The following CRIM1 variants were observed in gnomAD, a reference collection of about 807,000 sequenced individuals.
The protein encoded by CRIM1 is cysteine-rich motor neuron 1 protein.
In CRIM1, 32 loss-of-function variants were observed where a neutral mutation model predicts 116.4. The observed-to-expected ratio is 0.27, with a 90% CI of 0.21 to 0.37. The LOEUF is 0.37. Among genes scored for constraint, CRIM1 ranks in the 10% least tolerant of loss-of-function variants. CRIM1 has a pLI of 1.00. For missense variants in CRIM1, 1,331 were observed against 1,354.8 expected (o/e 0.98, Z 0.28); for synonymous variants, 590 against 509.2 (o/e 1.16, Z -2.13).
chr2:36,455,424 C>A (rs1558604403), intron 4 of CRIM1, among the ~76,000 whole-genome samples: 1 of 152,190 alleles, frequency 6.6e-6, no homozygotes, highest in African/African-American at 2.4e-5. Context: ...ATCATCCCCA[C>A]TGTACATAGG....
chr2:36,434,707 A>G (rs114032146), intron 2 of CRIM1, among the ~76,000 whole-genome samples: 1,796 of 152,290 alleles, frequency 0.012, 30 homozygotes, highest in African/African-American at 0.039. Context: ...TTATCCATCA[A>G]AACATTTTTC....
intron 10 of CRIM1, chr2:36,513,158 C>T (rs1230215271): frequency 9.3e-6 from 2 of 214,058 alleles, no homozygotes; most frequent in African/African-American, 4.6e-5. Context: ...TTCTGCTGAA[C>T]AAAACTCTGT....
intron 12 of CRIM1, among the ~76,000 whole-genome samples, chr2:36,518,337 A>C (rs1665162028): frequency 6.6e-6 from 1 of 152,218 alleles, no homozygotes; most frequent in South Asian, 2.1e-4. Flanking sequence ...ATTTCAACTT[A>C]AATCAATAAC....
At chr2:36,511,751 A>G (rs1431757072) in intron 9 of CRIM1, among the ~76,000 whole-genome samples, 1 of 151,850 alleles carries the variant, frequency 6.6e-6, no homozygotes, top group African/African-American at 2.4e-5. Flanking sequence ...GCCAGACACC[A>G]CGTGGGAGTG....
intron 5 of CRIM1, among the ~76,000 whole-genome samples, chr2:36,468,054 G>A (rs555041941): frequency 2.0e-5 from 3 of 152,186 alleles, no homozygotes; most frequent in Non-Finnish European, 2.9e-5. Flanking sequence ...CAGCTAGACC[G>A]TAGGTGCTTG....
chr2:36,421,255 T>A lies in CRIM1; in HGVS notation c.506-20003T>A, dbSNP rs3770904. Among the ~76,000 whole-genome samples the A allele has an allele frequency of 1.2e-3, 179 of 152,326 alleles. 6 individuals carry two copies. The East Asian group carries it at 0.03, about 26-fold the overall frequency. ...GGTATGGTATGTGCTTTTTCCTGAT[T>A]AAATTTCCTTTTTGGGGGAGAAATT... On this transcript the variant is annotated intron_variant, in intron 2 of 16. Coordinates refer to ENST00000280527, the MANE Select transcript of CRIM1 (RefSeq NM_016441.3).
Position 36,479,673 on chromosome 2 carries a change from G to A in CRIM1, c.1351G>A (p.Glu451Lys), listed in dbSNP as rs1331861109. The A allele has an allele frequency of 6.2e-7, 1 of 1,614,184 alleles. No homozygotes were observed. Among genetic ancestry groups the A allele is most frequent in the Admixed American group, 1.7e-5 (1 of 60,028 alleles). The stretch of plus-strand genomic sequence containing the variant: ...CACAAACCCTGTGAAAGTGCCTGGG[G>A]AGTGTTGCCCTGTGTGCGAAGGTAA... ...TCTNPVKVPG[E>K]CCPVCEEPTI... Residue 451 changes from glutamate to lysine, a missense_variant, in exon 7 of 17, where the codon GAG becomes AAG. Transcript: ENST00000280527.
chr2:36,541,888 G>A (rs1224590866), intron 14 of CRIM1, among the ~76,000 whole-genome samples: 1 of 152,182 alleles, frequency 6.6e-6, no homozygotes, highest in Non-Finnish European at 1.5e-5. Flanking sequence ...ATAGAAGGCG[G>A]CCTGGGTCTA....
intron 8 of CRIM1, among the ~76,000 whole-genome samples, chr2:36,500,212 T>C (rs1231655896): frequency 6.6e-6 from 1 of 151,872 alleles, no homozygotes; most frequent in East Asian, 1.9e-4. Context: ...GCGCCAGTGG[T>C]CCCAGCTACT....
intron 2 of CRIM1, among the ~76,000 whole-genome samples, chr2:36,433,528 A>G (rs1572718559): frequency 6.6e-6 from 1 of 152,174 alleles, no homozygotes; most frequent in African/African-American, 2.4e-5. Context: ...CATTGTAAAG[A>G]TTCTCTGTTT....
chr2:36,370,235 A>G (rs979264860), intron 1 of CRIM1, among the ~76,000 whole-genome samples: 2 of 151,116 alleles, frequency 1.3e-5, no homozygotes, highest in Non-Finnish European at 2.9e-5. Flanking sequence ...TGCCATCATT[A>G]AACAGTTTTT....
intron 7 of CRIM1, among the ~76,000 whole-genome samples, chr2:36,497,079 C>G (rs908964184): frequency 1.1e-4 from 17 of 152,144 alleles, no homozygotes; most frequent in African/African-American, 3.9e-4. Context: ...GTTTAATCTT[C>G]AGTATATACT....
At chr2:36,370,824 T>C (rs974846012) in intron 1 of CRIM1, among the ~76,000 whole-genome samples, 5 of 152,148 alleles carry the variant, frequency 3.3e-5, no homozygotes, top group Non-Finnish European at 7.3e-5. Flanking sequence ...GCATAGTTAT[T>C]CCCCCTCTAC....
At chr2:36,495,029 T>G (rs1019949018) in intron 7 of CRIM1, among the ~76,000 whole-genome samples, 6 of 152,172 alleles carry the variant, frequency 3.9e-5, no homozygotes, top group Admixed American at 1.3e-4. Flanking sequence ...AGAGGCCTAC[T>G]AACACATTTC....
At chr2:36,418,858 C>G (rs1371858810) in intron 2 of CRIM1, among the ~76,000 whole-genome samples, 2 of 152,158 alleles carry the variant, frequency 1.3e-5, no homozygotes, top group African/African-American at 4.8e-5. Flanking sequence ...CCCCTAGGCA[C>G]CTTCCTTGCC....
At chr2:36,380,994 G>C (rs920891528) in intron 1 of CRIM1, among the ~76,000 whole-genome samples, 1 of 152,104 alleles carries the variant, frequency 6.6e-6, no homozygotes, top group Non-Finnish European at 1.5e-5. Flanking sequence ...AACTCCTGGG[G>C]CCCCCCCGCT....
At chr2:36,407,928 C>G (rs1672933479) in intron 2 of CRIM1, among the ~76,000 whole-genome samples, 1 of 151,598 alleles carries the variant, frequency 6.6e-6, no homozygotes, top group South Asian at 2.1e-4. Flanking sequence ...TTTTTTTCAC[C>G]TTCTTCTTTG....
chr2:36,372,455 A>G (rs538215828), intron 1 of CRIM1, among the ~76,000 whole-genome samples: 11 of 152,220 alleles, frequency 7.2e-5, no homozygotes, highest in Non-Finnish European at 1.6e-4. Flanking sequence ...TTAAGATGGA[A>G]TAAGACATTA....
chr2:36,529,864 A>G (rs1354413940), intron 13 of CRIM1, among the ~76,000 whole-genome samples: 1 of 152,156 alleles, frequency 6.6e-6, no homozygotes, highest in Non-Finnish European at 1.5e-5. Flanking sequence ...TCCTACCCTA[A>G]GAAATAAATG....
Sources: allele counts gnomAD v4.1 joint callset (sites outside exome capture counted in the v4.1 genomes callset), GRCh38; gene constraint gnomAD v4.1.1; transcripts MANE v1.5; gene names NCBI Gene and HGNC (gene_info 2026-07-23, HGNC 2026-07-21).